ZNF358: variants seen among roughly 807,000 people sequenced by gnomAD.
ZNF358 encodes the protein zinc finger protein 358.
Under a neutral mutation model 2.1 loss-of-function variants are expected in ZNF358, and 1 was observed. The observed-to-expected ratio is 0.49, with a 90% confidence interval of 0.17 to 2.30. The LOEUF (loss-of-function observed/expected upper bound fraction) is 2.30. ZNF358 is among the 30% of genes most tolerant of loss of function. The pLI, the probability that ZNF358 is intolerant of heterozygous loss-of-function variation, is 0.26. For missense variants in ZNF358, 665 were observed against 806.8 expected (o/e 0.82, Z 2.13); for synonymous variants, 381 against 359.7 (o/e 1.06, Z -0.67).
Position 7,519,459 on chromosome 19 carries a change from C to T in ZNF358, c.217C>T (p.Pro73Ser). The change falls in exon 2 of 2, where the codon CCC (proline) becomes TCC (serine). Residue 73 changes from proline (P) to serine (S), a missense_variant. Around this residue, in one of 3 missense-constraint regions of ZNF358, gnomAD observed 206 missense variants for 228.4 expected, o/e 0.90. Transcript: ENST00000597229. The part of the protein sequence containing the change: ...DLEPVSEDLD[P>S]DAEAPGSEPQ... ...GGAGCCCGTCTCGGAGGATCTGGAC[C>T]CCGACGCCGAAGCTCCGGGCTCGGA... is the stretch of plus-strand genomic sequence containing the variant. The T allele has an allele frequency of 1.2e-6, 2 of 1,614,070 alleles. No homozygotes were observed. Among genetic ancestry groups the T allele is most frequent in the South Asian group, 2.2e-5 (2 of 91,072 alleles).
In ZNF358 at chr19:7,520,789, C is replaced by T. The variant is rs2022473076; in HGVS notation, c.1547C>T (p.Pro516Leu). The change falls in exon 2 of 2, where the codon CCC becomes CTC. Residue 516 changes from proline (P) to leucine (L), a missense_variant. Physicochemically the swap from Pro to Leu is moderately conservative, Grantham distance 98 (BLOSUM62 -3). Coordinates refer to ENST00000597229, the MANE Select transcript of ZNF358 (RefSeq NM_018083.5). This position sits in a 1 kb window ranked among gnomAD's most constrained non-coding sequence, Gnocchi z 6.0. ...LVPSPDLDPV[P>L]SPDPDPVPSP... ...CCCAGCCCAGACCTTGATCCTGTGC[C>T]CAGCCCAGACCCTGATCCTGTGCCC... 2 of 1,611,658 alleles carry T rather than the reference C, an allele frequency of 1.2e-6. No individual in the cohort carries two copies. The highest frequency in any genetic ancestry group is 1.4e-5 in the African/African-American group (1 of 72,756).
chr19:7,519,103 G>A (rs2022408988), intron 1 of ZNF358, 102 bp from the exon 2 acceptor site: 4 of 1,367,278 alleles, frequency 2.9e-6, no homozygotes, highest in East Asian at 2.4e-5. Flanking sequence ...GGGTTCTGGG[G>A]GCACAATCGG....
In ZNF358 at chr19:7,520,659, G is replaced by T. The variant is rs2022464843; in HGVS notation, c.1417G>T (p.Asp473Tyr). 6.2e-7 allele frequency: 1 copy of T among 1,601,978 alleles called. No homozygotes were observed. The highest frequency in any genetic ancestry group is 1.7e-5 in the Admixed American group (1 of 58,788). Residue 473 changes from aspartate (D) to tyrosine (Y), a missense_variant, in exon 2 of 2, where the codon GAT (aspartate) becomes TAT (tyrosine). Asp to Tyr is a radical substitution (Grantham distance 160). Coordinates refer to ENST00000597229, the MANE Select transcript of ZNF358 (RefSeq NM_018083.5). This position sits in a 1 kb window ranked among gnomAD's most constrained non-coding sequence, Gnocchi z 6.0. The stretch of plus-strand genomic sequence containing the variant: ...TGGCTCTGGGCCGGGCACTCTGCCG[G>T]ATCCCAGCTCCAAACCCCTCCCCGG... ...DPGSGPGTLP[D>Y]PSSKPLPGSR...
At position 7,519,950 on chromosome 19, in the gene ZNF358, C is replaced by T. The variant is rs2022433655; in HGVS notation, c.708C>T (p.His236=). The T allele has an allele frequency of 1.3e-6, 2 of 1,522,660 alleles. No homozygotes were observed. Among genetic ancestry groups the T allele is most frequent in the Non-Finnish European group, 1.8e-6 (2 of 1,140,098 alleles). The allele number at this position is 1,522,660 out of a possible 1,614,324, so 94.3% of individuals were successfully genotyped here. The change falls in exon 2 of 2, where the codon CAC becomes CAT. Residue 236 remains histidine, a synonymous_variant. Coordinates refer to ENST00000597229, the MANE Select transcript of ZNF358 (RefSeq NM_018083.5). ...GCCACAGCGGGGAGAAGCCGCACCA[C>T]TGCCCGGTGTGTGGCAAGGCCTTCG... The part of the protein sequence containing the change: ...RSSHSGEKPH[H]CPVCGKAFGH...
At chr19:7,515,344 G>C (rs867400555), upstream of ZNF358, 1 of 152,192 alleles carries the variant, frequency 6.6e-6, no homozygotes, top group Admixed American at 6.5e-5. Flanking sequence ...AGGGTTCTCC[G>C]GAAACCATCA....
rs367613033 is a variant in ZNF358, at chr19:7,519,087, AG to A, written c.-38-117del. 4.6e-3 allele frequency: 4,864 copies of A among 1,056,996 alleles called. 55 individuals are homozygous for A. Among genetic ancestry groups the A allele is most frequent in the African/African-American group, 0.025 (1,305 of 52,192 alleles). The allele number at this position is 1,056,996 out of a possible 1,614,324, so 65.5% of individuals were successfully genotyped here. ...CTCAAAAAAAAAAAAAAAAAAAAAA[AG>A]AAGTGGGTTCTGGGGGCACAATCGG... On this transcript the variant is annotated intron_variant, in intron 1 of 1. Transcript: ENST00000597229.
chr19:7,518,790 C>T (rs1012190057), intron 1 of ZNF358, among the ~76,000 whole-genome samples: 22 of 151,820 alleles, frequency 1.4e-4, no homozygotes, highest in South Asian at 6.2e-4. Flanking sequence ...TGGGGCTGGG[C>T]GCGGTGGCTC....
At chr19:7,514,669 G>C (rs150987997), upstream of ZNF358, among the ~76,000 whole-genome samples, 3,454 of 152,330 alleles carry the variant, frequency 0.023, 121 homozygotes, top group African/African-American at 0.069. Flanking sequence ...GTCTCGCTCT[G>C]TTGCCCAGGC....
rs769445879 is a variant in ZNF358 at position 7,520,864 on chromosome 19, G to T, written c.1622G>T (p.Arg541Leu). ...TGCCCTGACCCCTGTTCTCCCACTCGTGGCACTGTCAGCCCAGCCCTCCCT... is the reference window on the plus strand; with the variant it reads ...TGCCCTGACCCCTGTTCTCCCACTCTTGGCACTGTCAGCCCAGCCCTCCCT... ...VSCPDPCSPTRGTVSPALPTG... is the reference protein window; with the variant it reads ...VSCPDPCSPTLGTVSPALPTG... The change falls in exon 2 of 2, where the codon CGT (arginine) becomes CTT (leucine). Residue 541 changes from arginine to leucine, a missense_variant. Coordinates refer to ENST00000597229, the MANE Select transcript of ZNF358 (RefSeq NM_018083.5). The surrounding 1 kb of genome is among the most constrained non-coding windows in gnomAD (Gnocchi z 6.0). 6.2e-7 allele frequency: 1 copy of T among 1,613,926 alleles called. No individual in the cohort carries two copies. The highest frequency in any genetic ancestry group is 1.3e-5 in the African/African-American group (1 of 74,898).
Position 7,519,885 on chromosome 19 carries a change from G to T in ZNF358, c.643G>T (p.Ala215Ser). The change falls in exon 2 of 2, where the codon GCC becomes TCC. Residue 215 changes from alanine (A) to serine (S), a missense_variant. Coordinates refer to ENST00000597229, the MANE Select transcript of ZNF358 (RefSeq NM_018083.5). Reference sequence around the variant, plus strand: ...GTACCAGTGCGCGGCCTGCGGCAAGGCCTTCGGCTGGCGCTCCACGCTGCT... The same window carrying T: ...GTACCAGTGCGCGGCCTGCGGCAAGTCCTTCGGCTGGCGCTCCACGCTGCT... ...RPYQCAACGK[A>S]FGWRSTLLKH... 2.0e-6 allele frequency: 3 copies of T among 1,530,240 alleles called. No individual in the cohort carries two copies. In the South Asian group the frequency reaches 3.6e-5, roughly 18 times the overall value. 94.8% of individuals were successfully genotyped at this position (1,530,240 alleles called of 1,614,324 possible).
chr19:7,520,454 AGCTGCCGCGGCCGCTGCAGCT>A lies in ZNF358; in HGVS notation c.1215_1235del (p.Ala410_Ala416del). 7.8e-7 allele frequency: 1 copy of A among 1,284,902 alleles called. No individual in the cohort carries two copies. The highest frequency in any genetic ancestry group is 1.0e-6 in the Non-Finnish European group (1 of 955,792). The allele number at this position is 1,284,902 out of a possible 1,614,324, so 79.6% of individuals were successfully genotyped here. A position where few individuals can be genotyped will look rare whatever the true frequency, so the allele number is the denominator to read the frequency against. On this transcript the variant is annotated inframe_deletion, in exon 2 of 2. Coordinates refer to ENST00000597229, the MANE Select transcript of ZNF358 (RefSeq NM_018083.5). The surrounding 1 kb of genome is among the most constrained non-coding windows in gnomAD (Gnocchi z 6.0). ...TGCATGAGGGTGCAGCCGCTGCTGC[AGCTGCCGCGGCCGCTGCAGCT>A]GCAGCAGCGGCCGCCGGCCTGGGCC...
chr19:7,519,301 A>ACTCTGACTCTG lies in ZNF358; in HGVS notation c.59_60insCTCTGACTCTG (p.Glu20AspfsTer14). The ACTCTGACTCTG allele has an allele frequency of 6.2e-7, 1 of 1,614,026 alleles. No individual in the cohort carries two copies. On this transcript the variant is annotated frameshift_variant, in exon 2 of 2. Transcript: ENST00000597229. LOFTEE classifies it low-confidence loss of function (END_TRUNC). ...CACAAAGGCCTGAGACCCGTTTATG[A>ACTCTGACTCTG]AGAGCTCGACTCTGACTCCGAGGAC...
At chr19:7,515,312 C>T (rs1488807683), upstream of ZNF358, 3 of 152,160 alleles carry the variant, frequency 2.0e-5, no homozygotes, top group East Asian at 1.9e-4. Flanking sequence ...AAGTTTGCCC[C>T]GAGCCCTTCC....
Position 7,519,869 on chromosome 19 carries a change from C to T in ZNF358, c.627C>T (p.Cys209=). Residue 209 remains cysteine (C), a synonymous_variant, in exon 2 of 2, where the codon TGC becomes TGT. Transcript: ENST00000597229. ...GIHTGARPYQ[C]AACGKAFGWR... ...ACACTGGGGCGCGGCCGTACCAGTG[C>T]GCGGCCTGCGGCAAGGCCTTCGGCT... 1 of 1,531,126 alleles carries T rather than the reference C, an allele frequency of 6.5e-7. No individual in the cohort carries two copies. Among genetic ancestry groups the T allele is most frequent in the Non-Finnish European group, 8.7e-7 (1 of 1,145,064 alleles). 94.8% of individuals were successfully genotyped at this position (1,531,126 alleles called of 1,614,324 possible).
Position 7,519,735 on chromosome 19 carries a change from G to C in ZNF358, c.493G>C (p.Gly165Arg), listed in dbSNP as rs1215440388. The change falls in exon 2 of 2, where the codon GGG (glycine) becomes CGG (arginine). Residue 165 changes from glycine to arginine, a missense_variant. This residue lies in a region of ZNF358 where 206 missense variants were observed against 228.4 expected (regional missense o/e 0.90). Transcript: ENST00000597229. Reference protein sequence around the residue: ...DCGRAFRRSSGLSQHRRTHSG... With the variant: ...DCGRAFRRSSRLSQHRRTHSG... ...CGGGCGAGCCTTCCGCCGCAGCTCCGGGCTGAGCCAGCATCGCCGCACGCA... is the reference window on the plus strand; with the variant it reads ...CGGGCGAGCCTTCCGCCGCAGCTCCCGGCTGAGCCAGCATCGCCGCACGCA... 2.6e-6 allele frequency: 4 copies of C among 1,554,914 alleles called. No individual in the cohort carries two copies. In the Admixed American group the frequency reaches 5.6e-5, roughly 22 times the overall value.
At chr19:7,517,157 C>T (rs903149132) in intron 1 of ZNF358, among the ~76,000 whole-genome samples, 9 of 152,148 alleles carry the variant, frequency 5.9e-5, no homozygotes, top group East Asian at 1.9e-4. Flanking sequence ...GGCATCCTCC[C>T]GGCAGGTCAT....
rs201499923 is a variant in ZNF358, at chr19:7,520,696, C to T, written c.1454C>T (p.Thr485Ile). The change falls in exon 2 of 2, where the codon ACC becomes ATC. Residue 485 changes from threonine to isoleucine, a missense_variant. By Grantham distance (89) the Thr-to-Ile change is moderately conservative. This residue lies in a region of ZNF358 where 249 missense variants were observed against 227.6 expected (regional missense o/e 1.09). Transcript: ENST00000597229. This position sits in a 1 kb window ranked among gnomAD's most constrained non-coding sequence, Gnocchi z 6.0. ...AAACCCCTCCCCGGCTCCAGATCCA[C>T]CCCCAGCCCTACTCCTGTGGAATCT... ...SSKPLPGSRS[T>I]PSPTPVESSD... 1.9e-5 allele frequency: 31 copies of T among 1,613,672 alleles called. No individual in the cohort carries two copies. In the East Asian group the frequency reaches 6.5e-4, roughly 34 times the overall value.
At chr19:7,518,557 G>GAAAAAGAA (rs3029870) in intron 1 of ZNF358, among the ~76,000 whole-genome samples, 1 of 116,172 alleles carries the variant, frequency 8.6e-6, no homozygotes, top group East Asian at 2.6e-4. Context: ...GAGAGAGAGA[G>GAAAAAGAA]AGAAAGAAAG....
At chr19:7,518,672 T>G (rs762827712) in intron 1 of ZNF358, among the ~76,000 whole-genome samples, 1 of 152,100 alleles carries the variant, frequency 6.6e-6, no homozygotes, top group Non-Finnish European at 1.5e-5. Context: ...GGAGGATCGC[T>G]TGAGCCCGGG....
Sources: allele counts gnomAD v4.1 joint callset (sites outside exome capture counted in the v4.1 genomes callset), GRCh38; gene constraint gnomAD v4.1.1; regional missense constraint gnomAD v4.1.1; non-coding constraint Gnocchi (gnomAD v3.1); transcripts MANE v1.5; gene names NCBI Gene and HGNC (gene_info 2026-07-23, HGNC 2026-07-21).